Variants in LRMDA observed in about 807,000 individuals in gnomAD.
The protein encoded by LRMDA is leucine-rich melanocyte differentiation-associated protein.
Under a neutral mutation model 29.8 loss-of-function variants are expected in LRMDA, and 18 were observed. The ratio of observed to expected loss-of-function variants is 0.60; its 90% CI spans 0.42 to 0.90. The LOEUF is 0.90. Ranked by LOEUF, LRMDA falls within the 40% of genes least tolerant of loss-of-function variation. The pLI is 0.00. For synonymous variants in LRMDA, 125 were observed against 109.4 expected, an observed-to-expected ratio of 1.14 and a Z score of -0.89; for missense variants, 273 against 273.9, an observed-to-expected ratio of 1.00 and a Z score of 0.02.
At chr10:75,965,901 A>G (rs1379959803) in intron 2 of LRMDA, among the ~76,000 whole-genome samples, 2 of 152,200 alleles carry the variant, frequency 1.3e-5, no homozygotes, top group Admixed American at 6.5e-5. Flanking sequence ...TAGGGAGGCA[A>G]TGGAGTGAAG....
chr10:76,358,490 G>A (rs16933436), intron 6 of LRMDA, among the ~76,000 whole-genome samples: 1 of 152,096 alleles, frequency 6.6e-6, no homozygotes, highest in African/African-American at 2.4e-5. Flanking sequence ...TGTTTCTGAT[G>A]GTTTTCTCAC....
chr10:76,129,041 C>T (rs1849938031), intron 5 of LRMDA, among the ~76,000 whole-genome samples: 1 of 152,204 alleles, frequency 6.6e-6, no homozygotes, highest in Non-Finnish European at 1.5e-5. Context: ...ATTGGTGCTT[C>T]TCAGCATCTC....
chr10:75,646,402 G>A (rs118132382), intron 2 of LRMDA, among the ~76,000 whole-genome samples: 11 of 152,270 alleles, frequency 7.2e-5, no homozygotes, highest in Non-Finnish European at 1.3e-4. Context: ...ATCGTGAGCC[G>A]TGCAGCACCG....
intron 6 of LRMDA, among the ~76,000 whole-genome samples, chr10:76,331,480 G>T (rs1373675999): frequency 6.6e-6 from 1 of 152,188 alleles, no homozygotes; most frequent in Admixed American, 6.5e-5. Context: ...CTCATTGAAA[G>T]TTCATAGAAG....
At chr10:75,712,869 A>G (rs1260511728) in intron 2 of LRMDA, among the ~76,000 whole-genome samples, 1 of 151,790 alleles carries the variant, frequency 6.6e-6, no homozygotes, top group Non-Finnish European at 1.5e-5. Flanking sequence ...ATTATTTCCA[A>G]TAAGTTCACA....
chr10:76,548,721 A>G (rs1564573605), intron 6 of LRMDA, among the ~76,000 whole-genome samples: 1 of 152,174 alleles, frequency 6.6e-6, no homozygotes, highest in Non-Finnish European at 1.5e-5. Context: ...GTTGGTACTC[A>G]CTTGTTACTA....
intron 6 of LRMDA, among the ~76,000 whole-genome samples, chr10:76,352,450 T>A (rs1841188886): frequency 6.6e-6 from 1 of 152,064 alleles, no homozygotes; most frequent in Non-Finnish European, 1.5e-5. Flanking sequence ...CTGAGACAGC[T>A]TCTAGGTGAC....
chr10:75,847,219 G>A (rs60629920), intron 2 of LRMDA, among the ~76,000 whole-genome samples: 2,017 of 152,256 alleles, frequency 0.013, 51 homozygotes, highest in African/African-American at 0.046. Flanking sequence ...ATGGTCAAAT[G>A]ATTTTCAAAA....
intron 2 of LRMDA, among the ~76,000 whole-genome samples, chr10:75,669,757 C>G (rs1351443639): frequency 6.6e-6 from 1 of 152,114 alleles, no homozygotes; most frequent in East Asian, 1.9e-4. Flanking sequence ...TTTTTGGTGA[C>G]ACTATATCAT....
chr10:75,848,712 A>T (rs1332338535), intron 2 of LRMDA, among the ~76,000 whole-genome samples: 7 of 152,068 alleles, frequency 4.6e-5, no homozygotes. Flanking sequence ...CTCTCTAATT[A>T]TCTTGTGTGC....
intron 2 of LRMDA, among the ~76,000 whole-genome samples, chr10:75,446,200 C>T (rs1844393560): frequency 1.3e-5 from 2 of 152,232 alleles, no homozygotes; most frequent in Admixed American, 1.3e-4. Flanking sequence ...TGAAAAGAAC[C>T]AAGGCTTTGG....
chr10:76,444,438 C>T (rs554867625), intron 6 of LRMDA, among the ~76,000 whole-genome samples: 14 of 152,228 alleles, frequency 9.2e-5, no homozygotes, highest in African/African-American at 2.4e-4. Context: ...TGTTTAAAGG[C>T]GACCATTCTT....
intron 2 of LRMDA, among the ~76,000 whole-genome samples, chr10:75,805,329 G>A (rs1843832546): frequency 6.6e-6 from 1 of 152,240 alleles, no homozygotes. Context: ...CACTGCCTGA[G>A]AGGAGTGCTT....
intron 5 of LRMDA, among the ~76,000 whole-genome samples, chr10:76,275,939 T>A (rs149316434): frequency 7.9e-5 from 12 of 152,138 alleles, no homozygotes; most frequent in African/African-American, 2.9e-4. Context: ...AATTTATTTT[T>A]ATGTATCTTC....
intron 6 of LRMDA, among the ~76,000 whole-genome samples, chr10:76,463,051 C>T (rs1447731792): frequency 2.0e-5 from 3 of 152,084 alleles, no homozygotes; most frequent in Admixed American, 2.0e-4. Context: ...TCCATGGGGT[C>T]CCTTGGTTAG....
At position 75,588,222 on chromosome 10, in the gene LRMDA, T is replaced by C. The variant is rs1840679540; in HGVS notation, c.131+149728T>C. On this transcript the variant is annotated intron_variant, in intron 2 of 6. Coordinates refer to ENST00000611255, the MANE Select transcript of LRMDA (RefSeq NM_001305581.2). ...GAAGTGAGAGAGGTTTGTTACAATATAGAACAGAGTGCTGGAGCTGGGAGG... is the reference window on the plus strand; with the variant it reads ...GAAGTGAGAGAGGTTTGTTACAATACAGAACAGAGTGCTGGAGCTGGGAGG... 6.6e-5 allele frequency among the ~76,000 whole-genome samples: 10 copies of C among 152,186 alleles called. No homozygotes were observed. The South Asian group carries it at 1.7e-3, about 25-fold the overall frequency.
At chr10:76,310,969 G>A (rs1840622480) in intron 5 of LRMDA, among the ~76,000 whole-genome samples, 1 of 152,318 alleles carries the variant, frequency 6.6e-6, no homozygotes, top group East Asian at 1.9e-4. Context: ...TTTGCCTCTT[G>A]CAAAGAGTGA....
chr10:76,224,171 T>C (rs1415312297), intron 5 of LRMDA, among the ~76,000 whole-genome samples: 1 of 152,020 alleles, frequency 6.6e-6, no homozygotes, highest in East Asian at 1.9e-4. Context: ...TATATCATTA[T>C]GTTAAAATTA....
chr10:75,652,912 C>A (rs565375189), intron 2 of LRMDA, among the ~76,000 whole-genome samples: 1 of 152,308 alleles, frequency 6.6e-6, no homozygotes, highest in East Asian at 1.9e-4. Flanking sequence ...TGGAGTAAAG[C>A]TCATACTTTT....
Sources: allele counts gnomAD v4.1 joint callset (sites outside exome capture counted in the v4.1 genomes callset), GRCh38; gene constraint gnomAD v4.1.1; transcripts MANE v1.5; gene names NCBI Gene and HGNC (gene_info 2026-07-23, HGNC 2026-07-21).